The following TARBP1 variants were observed in gnomAD, a reference collection of about 807,000 sequenced individuals.
TARBP1 encodes tRNA (guanosine(18)-2'-O)-methyltransferase TARBP1.
In TARBP1, 144 loss-of-function variants were observed where a neutral mutation model predicts 178.6. That is an observed-to-expected ratio of 0.81 (90% CI 0.70 to 0.93). TARBP1 has a LOEUF of 0.93. Ranked by LOEUF, TARBP1 falls within the 40% of genes least tolerant of loss-of-function variation. The probability of loss-of-function intolerance (pLI) is 0.00; values close to 1 mark genes in which losing one functional copy is unlikely to be tolerated. For missense variants in TARBP1, 2,067 were observed against 2,011.7 expected, an observed-to-expected ratio of 1.03 and a Z score of -0.53; for synonymous variants, 787 against 781.0, an observed-to-expected ratio of 1.01 and a Z score of -0.13.
chr1:234,437,599 C>T (rs1665162485), intron 12 of TARBP1, among the ~76,000 whole-genome samples: 1 of 152,198 alleles, frequency 6.6e-6, no homozygotes, highest in Admixed American at 6.5e-5. Flanking sequence ...CTCTTCCCTC[C>T]ACCACTGAAC....
At chr1:234,396,346 T>C (rs934839302) in intron 26 of TARBP1, among the ~76,000 whole-genome samples, 1 of 152,216 alleles carries the variant, frequency 6.6e-6, no homozygotes, top group African/African-American at 2.4e-5. Context: ...TCTTCACAGT[T>C]GCTCTTCCTT....
chr1:234,421,859 T>G (rs527637173), intron 20 of TARBP1, among the ~76,000 whole-genome samples: 3 of 152,364 alleles, frequency 2.0e-5, no homozygotes, highest in Admixed American at 1.3e-4. Context: ...CATTTTCACA[T>G]AGTGTAGATG....
intron 18 of TARBP1, 54 bp from the exon 19 acceptor site, chr1:234,427,442 T>C: frequency 6.7e-7 from 1 of 1,496,698 alleles, no homozygotes; most frequent in Non-Finnish European, 9.1e-7. Flanking sequence ...AGAAAAAAAA[T>C]TAAATCCCCA....
At chr1:234,425,633 C>T (rs1486779792) in intron 20 of TARBP1, 40 bp downstream of exon 20, 4 of 1,587,152 alleles carry the variant, frequency 2.5e-6, no homozygotes, top group Non-Finnish European at 3.4e-6. Flanking sequence ...TGACCTCTGA[C>T]TGTTAAAAAC....
rs1664164037 is a variant in TARBP1, at chr1:234,429,490, G to C, written c.2797C>G (p.Leu933Val). 1 of 1,614,226 alleles carries C rather than the reference G, an allele frequency of 6.2e-7. No homozygotes were observed. Among genetic ancestry groups the C allele is most frequent in the Middle Eastern group, 1.6e-4 (1 of 6,062 alleles). Residue 933 changes from leucine (L) to valine (V), a missense_variant, in exon 16 of 30, where the codon CTA becomes GTA. By Grantham distance (32) the Leu-to-Val change is conservative (BLOSUM62 1). Coordinates refer to ENST00000040877, the MANE Select transcript of TARBP1 (RefSeq NM_005646.4). ...QMPIRTLQSA[L>V]EALTVLSSDQ... ...GAAGAAAGAACTGTGAGGGCTTCTA[G>C]TGCAGACTGCAAAGTCCTTATTGGC...
intron 22 of TARBP1, among the ~76,000 whole-genome samples, chr1:234,417,245 C>T (rs564267478): frequency 6.6e-6 from 1 of 152,166 alleles, no homozygotes; most frequent in East Asian, 1.9e-4. Context: ...AAGGAAGACA[C>T]TGGATGATAG....
At chr1:234,446,029 C>T (rs573860130) in intron 12 of TARBP1, among the ~76,000 whole-genome samples, 1 of 147,382 alleles carries the variant, frequency 6.8e-6, no homozygotes, top group Non-Finnish European at 1.5e-5. Context: ...TTTGGTTCTG[C>T]TACTATCATT....
intron 22 of TARBP1, among the ~76,000 whole-genome samples, chr1:234,410,866 G>C (rs1028865114): frequency 3.9e-5 from 6 of 152,192 alleles, no homozygotes; most frequent in Non-Finnish European, 4.4e-5. Flanking sequence ...TCAGGCCAGG[G>C]GTTTGAGATC....
chr1:234,469,114 G>T (rs76739216), intron 3 of TARBP1, among the ~76,000 whole-genome samples: 1 of 113,938 alleles, frequency 8.8e-6, no homozygotes, highest in African/African-American at 3.3e-5. Flanking sequence ...AACGACTTTC[G>T]CACCAACCTA....
At chr1:234,448,709 T>G in intron 10 of TARBP1, 130 bp from the exon 11 acceptor site, 30 of 679,156 alleles carry the variant, frequency 4.4e-5, no homozygotes, top group Middle Eastern at 2.7e-4. Context: ...CGAGATGAAC[T>G]ACAGCAGAAC....
intron 22 of TARBP1, among the ~76,000 whole-genome samples, chr1:234,417,568 T>C (rs180720546): frequency 6.6e-6 from 1 of 152,328 alleles, no homozygotes; most frequent in Non-Finnish European, 1.5e-5. Context: ...CTATCACTAA[T>C]TTTAGTATCA....
Position 234,391,672 on chromosome 1 carries a change from T to C in TARBP1, c.4771A>G (p.Ile1591Val), listed in dbSNP as rs1192998452. ...ACATGGACATTCAGGGAGCGGATAATGCCCTGTTGAGGAATTTCCACACAA... is the reference window on the plus strand; with the variant it reads ...ACATGGACATTCAGGGAGCGGATAACGCCCTGTTGAGGAATTTCCACACAA... ...DVCVEIPQQG[I>V]IRSLNVHVSG... Residue 1591 changes from isoleucine to valine, a missense_variant, in exon 30 of 30, where the codon ATT becomes GTT. By Grantham distance (29) the Ile-to-Val change is conservative. Coordinates refer to ENST00000040877, the MANE Select transcript of TARBP1 (RefSeq NM_005646.4). 1 of 1,613,826 alleles carries C rather than the reference T, an allele frequency of 6.2e-7. No individual in the cohort carries two copies. Among genetic ancestry groups the C allele is most frequent in the East Asian group, 2.2e-5 (1 of 44,886 alleles).
intron 3 of TARBP1, among the ~76,000 whole-genome samples, chr1:234,468,151 AT>A (rs1054902584): frequency 1.1e-4 from 4 of 35,212 alleles, no homozygotes; most frequent in Non-Finnish European, 2.3e-4. Context: ...AGGCAGCTTA[AT>A]TTTGAAAGAC....
At chr1:234,418,619 T>C (rs1040978944) in intron 21 of TARBP1, among the ~76,000 whole-genome samples, 1 of 152,210 alleles carries the variant, frequency 6.6e-6, no homozygotes. Context: ...GTACAGAGAC[T>C]GAAGTCAGCA....
intron 24 of TARBP1, among the ~76,000 whole-genome samples, chr1:234,403,908 G>C (rs532110317): frequency 6.6e-6 from 1 of 152,080 alleles, no homozygotes; most frequent in Non-Finnish European, 1.5e-5. Flanking sequence ...GGCTGGTCTC[G>C]AACTCCTGAC....
intron 1 of TARBP1, among the ~76,000 whole-genome samples, chr1:234,474,203 C>A (rs1351403361): frequency 6.6e-6 from 1 of 150,908 alleles, no homozygotes; most frequent in Non-Finnish European, 1.5e-5. Context: ...ATAATCACGC[C>A]ACTGCACCCT....
At chr1:234,425,342 A>G (rs1663610834) in intron 20 of TARBP1, among the ~76,000 whole-genome samples, 1 of 152,214 alleles carries the variant, frequency 6.6e-6, no homozygotes, top group Non-Finnish European at 1.5e-5. Context: ...ATTGTTCTCT[A>G]AAACCAAACT....
At chr1:234,427,530 G>A (rs1240653776) in intron 18 of TARBP1, 46 bp downstream of exon 18, 3 of 1,529,238 alleles carry the variant, frequency 2.0e-6, no homozygotes, top group Admixed American at 2.1e-5. Context: ...ACCCAAGTAG[G>A]CACTTAATAC....
chr1:234,406,090 G>A lies in TARBP1; in HGVS notation c.3802C>T (p.Leu1268=). 6.2e-7 allele frequency: 1 copy of A among 1,612,844 alleles called. No homozygotes were observed. Among genetic ancestry groups the A allele is most frequent in the Non-Finnish European group, 8.5e-7 (1 of 1,179,566 alleles). Residue 1268 remains leucine (L), a synonymous_variant, in exon 24 of 30, where the codon CTG becomes TTG. Coordinates refer to ENST00000040877, the MANE Select transcript of TARBP1 (RefSeq NM_005646.4). The stretch of plus-strand genomic sequence containing the variant: ...AGCACAACTATAAGGGCTTGCTTCA[G>A]AATTAGTTTCTGAAAAGAAAGGCAA... The part of the protein sequence containing the change: ...TQNIPEKKLI[L]KQALIVVLQW...
Sources: gnomAD v4.1 joint callset for allele counts (sites outside exome capture counted in the v4.1 genomes callset) on GRCh38, gnomAD v4.1.1 for gene constraint, MANE v1.5 for transcripts, NCBI Gene and HGNC (gene_info 2026-07-23, HGNC 2026-07-21) for gene names.